AGPS: variants seen among roughly 807,000 people sequenced by gnomAD.
AGPS encodes the protein alkylglycerone phosphate synthase, also known as alkyldihydroxyacetonephosphate synthase, peroxisomal.
A neutral mutation model predicts 90.7 loss-of-function variants in AGPS; 26 were observed. The ratio of observed to expected loss-of-function variants is 0.29; its 90% CI spans 0.21 to 0.40. The LOEUF (loss-of-function observed/expected upper bound fraction) is 0.40, where lower values mean the gene tolerates loss of function less well. AGPS is among the 10% of genes least tolerant of loss of function. The probability of loss-of-function intolerance (pLI) is 1.00; values close to 1 mark genes in which losing one functional copy is unlikely to be tolerated. For synonymous variants in AGPS, 294 were observed against 285.3 expected (o/e 1.03, Z -0.31); for missense variants, 540 against 816.1 (o/e 0.66, Z 4.12).
intron 19 of AGPS, among the ~76,000 whole-genome samples, chr2:177,532,508 T>A (rs935326533): frequency 6.6e-6 from 1 of 152,202 alleles, no homozygotes; most frequent in Admixed American, 6.5e-5. Flanking sequence ...CGTACATTGC[T>A]TGGGGGAATG....
chr2:177,512,541 T>C (rs1688905262), intron 16 of AGPS, among the ~76,000 whole-genome samples: 1 of 152,232 alleles, frequency 6.6e-6, no homozygotes, highest in Non-Finnish European at 1.5e-5. Context: ...GTTTAAATGC[T>C]ACTGTTTTTT....
intron 8 of AGPS, among the ~76,000 whole-genome samples, chr2:177,460,413 G>C (rs1687258546): frequency 6.6e-6 from 1 of 152,108 alleles, no homozygotes. Context: ...AATAATAATA[G>C]TGTCAGCTTC....
intron 19 of AGPS, among the ~76,000 whole-genome samples, chr2:177,534,671 T>G (rs2079167733): frequency 6.6e-6 from 1 of 151,620 alleles, no homozygotes; most frequent in South Asian, 2.1e-4. Flanking sequence ...CACTGCAGCC[T>G]CAAACTTCTG....
chr2:177,460,357 T>C (rs529041207), intron 8 of AGPS, among the ~76,000 whole-genome samples: 1 of 152,130 alleles, frequency 6.6e-6, no homozygotes, highest in Non-Finnish European at 1.5e-5. Flanking sequence ...TGGGGAACCA[T>C]CAGTTAAAAC....
intron 2 of AGPS, among the ~76,000 whole-genome samples, chr2:177,425,235 T>G (rs1686043281): frequency 6.6e-6 from 1 of 152,186 alleles, no homozygotes; most frequent in Non-Finnish European, 1.5e-5. Context: ...CTTTAATCCA[T>G]CTTGAGTTAA....
intron 11 of AGPS, among the ~76,000 whole-genome samples, chr2:177,492,808 T>G (rs982056399): frequency 2.0e-5 from 3 of 152,214 alleles, no homozygotes; most frequent in African/African-American, 7.2e-5. Context: ...ATCTTTGTTC[T>G]AAAATAATCC....
chr2:177,442,404 C>T lies in AGPS; in HGVS notation c.710-3C>T. ...TAAAAGTTGTTGTTTCCTATTTTGG[C>T]AGGAGGAACAAGTGTTTCATATGGC... is the stretch of plus-strand genomic sequence containing the variant. On this transcript the variant is annotated splice_polypyrimidine_tract_variant and splice_region_variant and intron_variant, in intron 6 of 19. Transcript: ENST00000264167. 6 of 1,611,136 alleles carry T rather than the reference C, an allele frequency of 3.7e-6. No individual in the cohort carries two copies. Among genetic ancestry groups the T allele is most frequent in the Non-Finnish European group, 4.2e-6 (5 of 1,177,368 alleles).
intron 2 of AGPS, among the ~76,000 whole-genome samples, chr2:177,427,450 T>C (rs974706291): frequency 7.2e-5 from 11 of 152,234 alleles, no homozygotes; most frequent in Non-Finnish European, 1.6e-4. Flanking sequence ...GGTTGTTAAT[T>C]TGAGATCTTT....
chr2:177,409,063 C>A (rs1013019480), intron 1 of AGPS, among the ~76,000 whole-genome samples: 2 of 152,148 alleles, frequency 1.3e-5, no homozygotes, highest in African/African-American at 2.4e-5. Context: ...GCTTTCTTCT[C>A]TTCCCCCAAA....
chr2:177,462,341 C>T (rs1044328305), intron 9 of AGPS, among the ~76,000 whole-genome samples: 6 of 136,318 alleles, frequency 4.4e-5, no homozygotes, highest in African/African-American at 1.6e-4. Context: ...TGCAGTGAGC[C>T]GAAATTGTGC....
intron 17 of AGPS, among the ~76,000 whole-genome samples, chr2:177,518,686 ACTAT>A (rs1433498916): frequency 3.8e-5 from 4 of 106,050 alleles, no homozygotes; most frequent in Non-Finnish European, 7.2e-5. Flanking sequence ...ACCCCTTGCC[ACTAT>A]CTATCTGTCT....
chr2:177,526,483 G>A (rs1360945626), intron 19 of AGPS, among the ~76,000 whole-genome samples: 2 of 152,056 alleles, frequency 1.3e-5, no homozygotes, highest in Non-Finnish European at 2.9e-5. Flanking sequence ...GCCCACCTCA[G>A]CCTCCCAAAG....
intron 6 of AGPS, 149 bp from the exon 7 acceptor site, chr2:177,442,258 A>G: frequency 1.5e-6 from 1 of 660,512 alleles, no homozygotes; most frequent in Non-Finnish European, 2.7e-6. Context: ...TTAGTGTGTT[A>G]GCATTTGCAA....
intron 7 of AGPS, among the ~76,000 whole-genome samples, chr2:177,444,465 TATAGTG>T (rs1009855249): frequency 3.3e-5 from 5 of 151,080 alleles, no homozygotes; most frequent in African/African-American, 7.3e-5. Flanking sequence ...ACTACTGTCT[TATAGTG>T]AGAGTATAAT....
At chr2:177,401,986 G>A (rs930659393) in intron 1 of AGPS, among the ~76,000 whole-genome samples, 3 of 152,072 alleles carry the variant, frequency 2.0e-5, no homozygotes, top group Admixed American at 6.5e-5. Context: ...GGTTACTTAT[G>A]TTCTAAGCAC....
At chr2:177,453,461 G>T (rs1468651104) in intron 8 of AGPS, among the ~76,000 whole-genome samples, 1 of 151,696 alleles carries the variant, frequency 6.6e-6, no homozygotes, top group Non-Finnish European at 1.5e-5. Context: ...AGTAGAGATG[G>T]GGTTTTACCA....
Position 177,436,967 on chromosome 2 carries a change from A to C in AGPS, c.563-13A>C. The C allele has an allele frequency of 6.2e-7, 1 of 1,612,820 alleles. No homozygotes were observed. The stretch of plus-strand genomic sequence containing the variant: ...CTGTTTTTGTGTTTTTCTTTTTTTT[A>C]ACCACAAAACAGGTCATTGTCTTCA... On this transcript the variant is annotated splice_polypyrimidine_tract_variant and intron_variant, in intron 4 of 19. Coordinates refer to ENST00000264167, the MANE Select transcript of AGPS (RefSeq NM_003659.4).
intron 10 of AGPS, among the ~76,000 whole-genome samples, chr2:177,476,399 A>G (rs946242360): frequency 2.0e-5 from 3 of 151,794 alleles, no homozygotes; most frequent in African/African-American, 7.3e-5. Flanking sequence ...CTGTTTTCCA[A>G]TTTCCCTGTT....
At chr2:177,406,261 C>A (rs764803345) in intron 1 of AGPS, among the ~76,000 whole-genome samples, 8 of 152,176 alleles carry the variant, frequency 5.3e-5, no homozygotes, top group Non-Finnish European at 1.2e-4. Context: ...TATTACCAGA[C>A]CAATCTTTGT....
Sources: allele counts gnomAD v4.1 joint callset (sites outside exome capture counted in the v4.1 genomes callset), GRCh38; gene constraint gnomAD v4.1.1; transcripts MANE v1.5; gene names NCBI Gene and HGNC (gene_info 2026-07-23, HGNC 2026-07-21).